CADM1: variants seen among roughly 807,000 people sequenced by gnomAD.
CADM1 encodes the protein TSLC-1.
Under a neutral mutation model 53.1 loss-of-function variants are expected in CADM1, and 15 were observed. That is an observed-to-expected ratio of 0.28 (90% CI 0.19 to 0.44). The LOEUF (loss-of-function observed/expected upper bound fraction) is 0.44. CADM1 is among the 20% of genes least tolerant of loss of function. The pLI is 1.00. For missense variants in CADM1, 434 were observed against 611.3 expected (o/e 0.71, Z 3.06); for synonymous variants, 281 against 243.0 (o/e 1.16, Z -1.45).
chr11:115,194,761 C>T (rs1940067680), intron 9 of CADM1, among the ~76,000 whole-genome samples: 1 of 152,080 alleles, frequency 6.6e-6, no homozygotes, highest in South Asian at 2.1e-4. Flanking sequence ...AAGCACTATT[C>T]CAGACCATGG....
At chr11:115,284,085 A>ACTCTCTCTCTCTCTCTCTCT (rs1449186377) in intron 1 of CADM1, among the ~76,000 whole-genome samples, 2 of 23,422 alleles carry the variant, frequency 8.5e-5, no homozygotes, top group Admixed American at 5.1e-4. Context: ...ACAAGCCCAG[A>ACTCTCTCTCTCTCTCTCTCT]CACTCTCTCT....
At chr11:115,398,993 G>T (rs1343728739) in intron 1 of CADM1, 2 of 152,122 alleles carry the variant, frequency 1.3e-5, no homozygotes, top group African/African-American at 2.4e-5. Context: ...CTGGAAAGAA[G>T]AAATGAGCAA....
intron 1 of CADM1, among the ~76,000 whole-genome samples, chr11:115,291,501 C>G (rs967641928): frequency 6.6e-6 from 1 of 152,192 alleles, no homozygotes; most frequent in African/African-American, 2.4e-5. Flanking sequence ...TCCTAGCAAA[C>G]GGGAGCTCAT....
intron 1 of CADM1, among the ~76,000 whole-genome samples, chr11:115,441,175 C>T (rs1948302234): frequency 6.6e-6 from 1 of 151,492 alleles, no homozygotes; most frequent in South Asian, 2.1e-4. Context: ...TGAAGTCCTG[C>T]CTGCTCATGC....
chr11:115,308,132 ACTCT>A (rs141588354), intron 1 of CADM1, among the ~76,000 whole-genome samples: 6,452 of 130,922 alleles, frequency 0.049, 334 homozygotes, highest in African/African-American at 0.14. Flanking sequence ...AAAGACACAA[ACTCT>A]CTCTCTGTGT....
intron 1 of CADM1, among the ~76,000 whole-genome samples, chr11:115,314,576 G>A (rs992351691): frequency 4.6e-5 from 7 of 152,040 alleles, no homozygotes; most frequent in East Asian, 3.9e-4. Context: ...CTCATTCCTC[G>A]TTTGTATATG....
In CADM1 at chr11:115,494,459, T is replaced by C. The variant is rs540530109; in HGVS notation, c.124+9812A>G. Among the ~76,000 whole-genome samples, 4 of 152,290 alleles carry C rather than the reference T, an allele frequency of 2.6e-5. No homozygotes were observed. The East Asian group carries it at 7.7e-4, about 29-fold the overall frequency. ...ATATAAAAAACTGCATGAAACAATA[T>C]GTCCTTTCTGTATTAGAAGACCCAG... On this transcript the variant is annotated intron_variant, in intron 1 of 11. Coordinates refer to ENST00000331581, the MANE Select transcript of CADM1 (RefSeq NM_001301043.2).
intron 1 of CADM1, among the ~76,000 whole-genome samples, chr11:115,384,726 T>C (rs752440853): frequency 6.6e-6 from 1 of 152,208 alleles, no homozygotes; most frequent in Non-Finnish European, 1.5e-5. Flanking sequence ...TTCTATCAAG[T>C]ATGACTAACA....
At chr11:115,302,678 G>T (rs1469666268) in intron 1 of CADM1, among the ~76,000 whole-genome samples, 1 of 152,042 alleles carries the variant, frequency 6.6e-6, no homozygotes, top group East Asian at 1.9e-4. Flanking sequence ...TGCTACTGGG[G>T]TTATTGTCAT....
intron 1 of CADM1, among the ~76,000 whole-genome samples, chr11:115,425,533 G>A (rs1352883477): frequency 6.6e-6 from 1 of 152,198 alleles, no homozygotes; most frequent in African/African-American, 2.4e-5. Context: ...TATGCAGAAT[G>A]CATCCTCTTC....
chr11:115,487,556 GA>G (rs201383013), intron 1 of CADM1, among the ~76,000 whole-genome samples: 2,184 of 151,842 alleles, frequency 0.014, 30 homozygotes, highest in South Asian at 0.039. Context: ...TAAAAAAGGT[GA>G]AAAAAAATCT....
chr11:115,408,120 A>T (rs1947364900), intron 1 of CADM1, among the ~76,000 whole-genome samples: 1 of 151,368 alleles, frequency 6.6e-6, no homozygotes, highest in South Asian at 2.1e-4. Flanking sequence ...GAGCCGTTTT[A>T]AAAAAAAACT....
At chr11:115,352,790 A>G (rs180996854) in intron 1 of CADM1, among the ~76,000 whole-genome samples, 1 of 152,258 alleles carries the variant, frequency 6.6e-6, no homozygotes, top group East Asian at 1.9e-4. Context: ...TATTATCCCC[A>G]TCTTGCAGTC....
intron 9 of CADM1, among the ~76,000 whole-genome samples, chr11:115,191,826 G>C (rs904954624): frequency 6.6e-6 from 1 of 152,198 alleles, no homozygotes; most frequent in African/African-American, 2.4e-5. Context: ...TCTGCTCAAA[G>C]TCCAGTGTGA....
At chr11:115,345,263 G>C (rs982270573) in intron 1 of CADM1, among the ~76,000 whole-genome samples, 1 of 152,148 alleles carries the variant, frequency 6.6e-6, no homozygotes, top group Admixed American at 6.6e-5. Flanking sequence ...AATAAACCAA[G>C]GGCAGAACTA....
At chr11:115,474,392 C>A (rs1949083284) in intron 1 of CADM1, among the ~76,000 whole-genome samples, 1 of 149,326 alleles carries the variant, frequency 6.7e-6, no homozygotes, top group Admixed American at 6.7e-5. Flanking sequence ...ACTTGCTCAA[C>A]ATCAGTAGTC....
At chr11:115,224,842 T>G (rs1271986390) in intron 5 of CADM1, among the ~76,000 whole-genome samples, 1 of 152,166 alleles carries the variant, frequency 6.6e-6, no homozygotes, top group Non-Finnish European at 1.5e-5. Context: ...TTCCCTCAGA[T>G]CTGAAGCTCT....
Position 115,488,448 on chromosome 11 carries a change from C to T in CADM1, c.124+15823G>A, listed in dbSNP as rs141671871. Among the ~76,000 whole-genome samples the T allele has an allele frequency of 6.2e-3, 950 of 152,284 alleles. 39 individuals are homozygous for T. Among genetic ancestry groups the T allele is most frequent in the Admixed American group, 0.053 (816 of 15,294 alleles). ...TCACTTATGACAGTGAGAAAAAGGG[C>T]TTGCCACCCCCTCCTCTCAAAAACT... is the stretch of plus-strand genomic sequence containing the variant. On this transcript the variant is annotated intron_variant, in intron 1 of 11. Coordinates refer to ENST00000331581, the MANE Select transcript of CADM1 (RefSeq NM_001301043.2).
chr11:115,219,052 C>G (rs1941303918), intron 5 of CADM1, among the ~76,000 whole-genome samples: 1 of 152,136 alleles, frequency 6.6e-6, no homozygotes, highest in South Asian at 2.1e-4. Flanking sequence ...TCTGTAAATG[C>G]ATATTTTTGG....
Sources: gnomAD v4.1 joint callset for allele counts (sites outside exome capture counted in the v4.1 genomes callset) on GRCh38, gnomAD v4.1.1 for gene constraint, MANE v1.5 for transcripts, NCBI Gene and HGNC (gene_info 2026-07-23, HGNC 2026-07-21) for gene names.